LRMDA: variants seen among roughly 807,000 people sequenced by gnomAD.
The protein encoded by LRMDA is leucine rich melanocyte differentiation associated, also known as leucine-rich melanocyte differentiation-associated protein.
A neutral mutation model predicts 29.8 loss-of-function variants in LRMDA; 18 were observed. That is an observed-to-expected ratio of 0.60 (90% confidence interval 0.42 to 0.90). The LOEUF (loss-of-function observed/expected upper bound fraction) is 0.90, where lower values mean the gene tolerates loss of function less well. Ranked by LOEUF, LRMDA falls within the 40% of genes least tolerant of loss-of-function variation. The pLI is 0.00. For synonymous variants in LRMDA, 125 were observed against 109.4 expected (o/e 1.14, Z -0.89); for missense variants, 273 against 273.9 (o/e 1.00, Z 0.02).
intron 5 of LRMDA, among the ~76,000 whole-genome samples, chr10:76,231,705 T>A (rs1852062313): frequency 6.6e-6 from 1 of 152,226 alleles, no homozygotes; most frequent in East Asian, 1.9e-4. Flanking sequence ...AGTGGAGATA[T>A]CACCCCTCTA....
chr10:75,564,620 C>G (rs1379296150), intron 2 of LRMDA, among the ~76,000 whole-genome samples: 1 of 152,266 alleles, frequency 6.6e-6, no homozygotes, highest in African/African-American at 2.4e-5. Context: ...CACCCATCTT[C>G]TGCGTCGCTC....
intron 2 of LRMDA, among the ~76,000 whole-genome samples, chr10:75,617,463 A>G (rs924960867): frequency 6.6e-6 from 1 of 152,060 alleles, no homozygotes; most frequent in Admixed American, 6.5e-5. Flanking sequence ...GTAAATCTGC[A>G]CTCTGATGAA....
rs553305249 is a variant in LRMDA, at chr10:75,788,918, A to T, written c.132-247090A>T. Among the ~76,000 whole-genome samples the T allele has an allele frequency of 2.0e-4, 31 of 152,390 alleles. No homozygotes were observed. In the South Asian group the frequency reaches 6.2e-3, roughly 31 times the overall value. ...CTTTTCAAGTTATGCAACAGTCAAC[A>T]TAGTTTTACATTTGTGTTTCTGCAC... On this transcript the variant is annotated intron_variant, in intron 2 of 6. Transcript: ENST00000611255.
intron 2 of LRMDA, among the ~76,000 whole-genome samples, chr10:75,886,893 C>T (rs77088624): frequency 0.031 from 4,738 of 152,138 alleles, 249 homozygotes; most frequent in African/African-American, 0.11. Flanking sequence ...ATCGTCAGGG[C>T]CCTTTACTCC....
At chr10:75,751,619 C>G (rs1323820946) in intron 2 of LRMDA, among the ~76,000 whole-genome samples, 2 of 152,122 alleles carry the variant, frequency 1.3e-5, no homozygotes, top group Non-Finnish European at 2.9e-5. Context: ...CCATAGTAAG[C>G]ACCAAATAAA....
At chr10:75,586,052 C>T (rs1840651600) in intron 2 of LRMDA, among the ~76,000 whole-genome samples, 1 of 152,022 alleles carries the variant, frequency 6.6e-6, no homozygotes, top group South Asian at 2.1e-4. Flanking sequence ...TATGTATATA[C>T]CATGTTTTCT....
chr10:76,429,041 A>ACACACAC (rs1554820441), intron 6 of LRMDA, among the ~76,000 whole-genome samples: 41 of 64,034 alleles, frequency 6.4e-4, no homozygotes, highest in Middle Eastern at 0.011. Context: ...CACACACACA[A>ACACACAC]ACACACACAC....
intron 2 of LRMDA, among the ~76,000 whole-genome samples, chr10:75,612,151 G>A (rs574712053): frequency 1.3e-5 from 2 of 152,286 alleles, no homozygotes; most frequent in Admixed American, 6.5e-5. Flanking sequence ...AATACCCAGG[G>A]GGTTAAAAAT....
At chr10:75,526,088 T>C (rs1329706539) in intron 2 of LRMDA, among the ~76,000 whole-genome samples, 2 of 151,850 alleles carry the variant, frequency 1.3e-5, no homozygotes, top group East Asian at 3.9e-4. Context: ...TTTTTAGAGA[T>C]GGGGTCTCAC....
chr10:76,008,398 C>T (rs1215792807), intron 2 of LRMDA, among the ~76,000 whole-genome samples: 2 of 151,818 alleles, frequency 1.3e-5, no homozygotes, highest in Non-Finnish European at 2.9e-5. Context: ...GCAGTTTAAA[C>T]ACTTTTTTTT....
At chr10:75,720,505 T>C (rs1410330038) in intron 2 of LRMDA, among the ~76,000 whole-genome samples, 1 of 152,216 alleles carries the variant, frequency 6.6e-6, no homozygotes, top group Non-Finnish European at 1.5e-5. Context: ...CTGTGCCCAT[T>C]CTGTGAGTGG....
intron 2 of LRMDA, among the ~76,000 whole-genome samples, chr10:76,002,485 G>A (rs11001571): frequency 0.11 from 16,972 of 150,628 alleles, 1,237 homozygotes; most frequent in African/African-American, 0.19. Flanking sequence ...GTTAGCCTCC[G>A]AACTTCAGTT....
At chr10:75,689,185 C>G (rs566876277) in intron 2 of LRMDA, among the ~76,000 whole-genome samples, 34 of 152,308 alleles carry the variant, frequency 2.2e-4, no homozygotes, top group African/African-American at 7.9e-4. Context: ...TCAGCCTTAA[C>G]CCTACATGTT....
Position 76,086,528 on chromosome 10 carries a change from G to A in LRMDA, c.516+27745G>A, listed in dbSNP as rs76797862. On this transcript the variant is annotated intron_variant, in intron 5 of 6. Transcript: ENST00000611255. ...GGCATGCAATTGTCAGTCAACACTCGTAAGTAAGTGGCCAAGTTTAAAGTT... is the reference window on the plus strand; with the variant it reads ...GGCATGCAATTGTCAGTCAACACTCATAAGTAAGTGGCCAAGTTTAAAGTT... Among the ~76,000 whole-genome samples the A allele has an allele frequency of 2.0e-3, 301 of 152,268 alleles. 4 individuals carry two copies. The highest frequency in any genetic ancestry group is 7.0e-3 in the African/African-American group (291 of 41,552).
At chr10:75,693,801 G>A (rs1358998215) in intron 2 of LRMDA, among the ~76,000 whole-genome samples, 1 of 152,092 alleles carries the variant, frequency 6.6e-6, no homozygotes, top group Non-Finnish European at 1.5e-5. Flanking sequence ...ATACTGCCTA[G>A]CTCTGGCAAG....
At chr10:76,380,219 G>A (rs189836206) in intron 6 of LRMDA, among the ~76,000 whole-genome samples, 28 of 152,208 alleles carry the variant, frequency 1.8e-4, no homozygotes, top group African/African-American at 6.5e-4. Context: ...TATCTGTTAG[G>A]TTGATTTGAT....
chr10:76,273,278 G>A (rs896062320), intron 5 of LRMDA, among the ~76,000 whole-genome samples: 2 of 152,032 alleles, frequency 1.3e-5, no homozygotes, highest in Non-Finnish European at 2.9e-5. Flanking sequence ...ATCTAAAAAC[G>A]GTGCATCCTT....
chr10:76,060,896 A>G (rs1396310555), intron 5 of LRMDA, among the ~76,000 whole-genome samples: 2 of 152,192 alleles, frequency 1.3e-5, no homozygotes, highest in Non-Finnish European at 2.9e-5. Flanking sequence ...ATCCTTACTA[A>G]CTGTATTAAG....
At chr10:76,424,995 C>G (rs1842109067) in intron 6 of LRMDA, among the ~76,000 whole-genome samples, 1 of 152,282 alleles carries the variant, frequency 6.6e-6, no homozygotes, top group East Asian at 1.9e-4. Context: ...AGCATCTCAG[C>G]TTTTAGAAAT....
Sources: gnomAD v4.1 joint callset for allele counts (sites outside exome capture counted in the v4.1 genomes callset) on GRCh38, gnomAD v4.1.1 for gene constraint, MANE v1.5 for transcripts, NCBI Gene and HGNC (gene_info 2026-07-23, HGNC 2026-07-21) for gene names.